NLRP4: variants seen among roughly 807,000 people sequenced by gnomAD.
NLRP4 encodes NLR family pyrin domain containing 4.
A neutral mutation model predicts 84.7 loss-of-function variants in NLRP4; 44 were observed. That is an observed-to-expected ratio of 0.52 (90% CI 0.41 to 0.67). The LOEUF (loss-of-function observed/expected upper bound fraction) is 0.67. Ranked by LOEUF, NLRP4 falls within the 30% of genes least tolerant of loss-of-function variation. NLRP4 has a pLI of 0.00. For synonymous variants in NLRP4, 544 were observed against 476.4 expected (o/e 1.14, Z -1.85); for missense variants, 1,260 against 1,219.4 (o/e 1.03, Z -0.50).
In NLRP4 at chr19:55,857,423, T is replaced by C. The variant is rs1051895413; in HGVS notation, c.281-251T>C. The C allele has an allele frequency of 7.6e-5, 38 of 500,266 alleles. No homozygotes were observed. In the East Asian group the frequency reaches 1.2e-3, roughly 15 times the overall value. 31.0% of individuals were successfully genotyped at this position (500,266 alleles called of 1,614,324 possible). A position where few individuals can be genotyped will look rare whatever the true frequency, so the allele number is the denominator to read the frequency against. On this transcript the variant is annotated intron_variant, in intron 2 of 9. Transcript: ENST00000301295. ...ACCATATGGTTTCCATTTTAGGCTTTGTGAGTCATACGGTCTCTCATAGCT... is the reference window on the plus strand; with the variant it reads ...ACCATATGGTTTCCATTTTAGGCTTCGTGAGTCATACGGTCTCTCATAGCT...
chr19:55,881,800 T>C lies in NLRP4; in HGVS notation c.*213T>C, dbSNP rs1985603703. 2.6e-6 allele frequency: 1 copy of C among 390,952 alleles called. No individual in the cohort carries two copies. The highest frequency in any genetic ancestry group is 2.1e-5 in the African/African-American group (1 of 48,428). 24.2% of individuals were successfully genotyped at this position (390,952 alleles called of 1,614,324 possible). A position where few individuals can be genotyped will look rare whatever the true frequency, so the allele number is the denominator to read the frequency against. The stretch of plus-strand genomic sequence containing the variant: ...CTGAAAGGCCTTCATGGTCTCTCGG[T>C]CTCACAAGGACCTCTTAACCCCTCA... On this transcript the variant is annotated 3_prime_UTR_variant, in exon 10 of 10. Transcript: ENST00000301295.
Position 55,870,927 on chromosome 19 carries a change from C to T in NLRP4, c.2455C>T (p.Leu819=), listed in dbSNP as rs753973481. The T allele has an allele frequency of 5.0e-6, 8 of 1,614,008 alleles. No individual in the cohort carries two copies. Among genetic ancestry groups the T allele is most frequent in the South Asian group, 1.1e-5 (1 of 91,078 alleles). ...CTATCTAGACCTCAGTGCCAATGTCCTGAAGGACGAAGGACTGAAAACTCT... is the reference window on the plus strand; with the variant it reads ...CTATCTAGACCTCAGTGCCAATGTCTTGAAGGACGAAGGACTGAAAACTCT... The part of the protein sequence containing the change: ...VRYLDLSANV[L]KDEGLKTLCE... Residue 819 remains leucine, a synonymous_variant, in exon 7 of 10, where the codon CTG becomes TTG. Transcript: ENST00000301295.
chr19:55,837,135 T>C lies in NLRP4; in HGVS notation c.-66+201T>C, dbSNP rs138085211. 2.6e-5 allele frequency among the ~76,000 whole-genome samples: 4 copies of C among 152,308 alleles called. No homozygotes were observed. In the East Asian group the frequency reaches 7.7e-4, roughly 29 times the overall value. On this transcript the variant is annotated intron_variant, in intron 1 of 9. Coordinates refer to ENST00000301295, the MANE Select transcript of NLRP4 (RefSeq NM_134444.5). ...TGTGTTGGTACATGTATACGTATCA[T>C]TAAATCAGGGTAATGAGCATATCCA...
chr19:55,855,174 C>A (rs1207256472), intron 2 of NLRP4, among the ~76,000 whole-genome samples: 1 of 152,204 alleles, frequency 6.6e-6, no homozygotes, highest in Non-Finnish European at 1.5e-5. Flanking sequence ...TGTGCCACTG[C>A]ACTCCAGCCT....
chr19:55,851,591 CGAGGCTGCGGTGTA>C (rs1984146528), intron 1 of NLRP4, among the ~76,000 whole-genome samples: 1 of 131,504 alleles, frequency 7.6e-6, no homozygotes, highest in Admixed American at 7.7e-5. Context: ...GTGTAATGTC[CGAGGCTGCGGTGTA>C]ATGTCCGTGG....
At chr19:55,876,955 G>T in intron 7 of NLRP4, 41 bp from the exon 8 acceptor site, 1 of 1,542,842 alleles carries the variant, frequency 6.5e-7, no homozygotes. Context: ...TTAGACTGAG[G>T]TGTAATAGCC....
rs559938689 is a variant in NLRP4, at chr19:55,878,794, G to A, written c.2697G>A (p.Gly899=). 4 of 1,610,496 alleles carry A rather than the reference G, an allele frequency of 2.5e-6. No homozygotes were observed. In the South Asian group the frequency reaches 3.3e-5, roughly 13 times the overall value. Residue 899 remains glycine, a splice_region_variant and synonymous_variant, in exon 9 of 10, where the codon GGG becomes GGA. Coordinates refer to ENST00000301295, the MANE Select transcript of NLRP4 (RefSeq NM_134444.5). ...CTTACCATGTGTCTTTTTATTGCAGGTTGGAAGAATGTGGGTTAACGAGCA... is the reference window on the plus strand; with the variant it reads ...CTTACCATGTGTCTTTTTATTGCAGATTGGAAGAATGTGGGTTAACGAGCA... ...THTDCRLEIL[G]LEECGLTSTC... is the part of the protein sequence containing the mutation.
At position 55,844,750 on chromosome 19, in the gene NLRP4, C is replaced by T. The variant is rs1983729741; in HGVS notation, c.-65-7266C>T. ...TGACCTCCAGTGTAACTCATTGTAT[C>T]TACGAGTATGCTATTTTCAAAAACT... is the stretch of plus-strand genomic sequence containing the variant. On this transcript the variant is annotated intron_variant, in intron 1 of 9. Coordinates refer to ENST00000301295, the MANE Select transcript of NLRP4 (RefSeq NM_134444.5). Among the ~76,000 whole-genome samples the T allele has an allele frequency of 2.0e-5, 3 of 152,114 alleles. No homozygotes were observed. The East Asian group carries it at 5.8e-4, about 29-fold the overall frequency.
intron 1 of NLRP4, among the ~76,000 whole-genome samples, chr19:55,850,379 G>A (rs1376111433): frequency 1.8e-5 from 1 of 54,918 alleles, no homozygotes; most frequent in Admixed American, 1.7e-4. Flanking sequence ...CCGAGGCTGC[G>A]GTGTAATGTC....
chr19:55,870,727 G>GTT, intron 6 of NLRP4, 100 bp from the exon 7 acceptor site: 1 of 813,398 alleles, frequency 1.2e-6, no homozygotes, highest in Non-Finnish European at 2.0e-6. Context: ...TGGGGAGTTT[G>GTT]TAAGATTATA....
Position 55,857,679 on chromosome 19 carries a change from A to C in NLRP4, c.286A>C (p.Thr96Pro), listed in dbSNP as rs919276558. The C allele has an allele frequency of 1.2e-6, 2 of 1,612,492 alleles. No individual in the cohort carries two copies. Among genetic ancestry groups the C allele is most frequent in the African/African-American group, 1.3e-5 (1 of 74,926 alleles). Reference protein sequence around the residue: ...MKVMRERTGYTKTYQAHAKQK... With the variant: ...MKVMRERTGYPKTYQAHAKQK... The stretch of plus-strand genomic sequence containing the variant: ...TCTTGCCCTCACTGACTCAGGATAC[A>C]CAAAGACCTATCAAGCTCACGCAAA... The change falls in exon 3 of 10, where the codon ACA becomes CCA. Residue 96 changes from threonine to proline, a missense_variant. Around this residue, in one of 3 missense-constraint regions of NLRP4, gnomAD observed 712 missense variants for 669.2 expected, o/e 1.06. Coordinates refer to ENST00000301295, the MANE Select transcript of NLRP4 (RefSeq NM_134444.5).
intron 1 of NLRP4, among the ~76,000 whole-genome samples, chr19:55,848,041 C>T (rs542595518): frequency 6.6e-6 from 1 of 152,118 alleles, no homozygotes; most frequent in African/African-American, 2.4e-5. Context: ...TGTGCCTGGA[C>T]CTCATCTAGG....
At chr19:55,846,342 C>A (rs1983792447) in intron 1 of NLRP4, among the ~76,000 whole-genome samples, 1 of 152,218 alleles carries the variant, frequency 6.6e-6, no homozygotes, top group African/African-American at 2.4e-5. Flanking sequence ...AGATATGCGG[C>A]ATTATTTCCG....
chr19:55,850,059 G>C (rs541719779), intron 1 of NLRP4, among the ~76,000 whole-genome samples: 1 of 145,932 alleles, frequency 6.9e-6, no homozygotes. Context: ...CCGTAGCTGC[G>C]GTGGAATTTC....
intron 8 of NLRP4, among the ~76,000 whole-genome samples, chr19:55,877,691 A>C (rs2123070086): frequency 6.6e-6 from 1 of 152,152 alleles, no homozygotes; most frequent in African/African-American, 2.4e-5. Flanking sequence ...ATGAGGGAGA[A>C]TCTGCTTCAG....
chr19:55,858,288 C>A lies in NLRP4; in HGVS notation c.895C>A (p.Pro299Thr), dbSNP rs372254857. The stretch of plus-strand genomic sequence containing the variant: ...GGTGACGATCTCAGAAATCTACCAG[C>A]CCCGGGGATTCAACGAGAGTGATAG... ...DQVTISEIYQPRGFNESDRLV... is the reference protein window; with the variant it reads ...DQVTISEIYQTRGFNESDRLV... The change falls in exon 3 of 10, where the codon CCC becomes ACC. Residue 299 changes from proline to threonine, a missense_variant. Transcript: ENST00000301295. This position sits in a 1 kb window ranked among gnomAD's most constrained non-coding sequence, Gnocchi z 4.2. The A allele has an allele frequency of 6.2e-7, 1 of 1,614,064 alleles. No homozygotes were observed. Among genetic ancestry groups the A allele is most frequent in the Admixed American group, 1.7e-5 (1 of 59,994 alleles).
intron 7 of NLRP4, among the ~76,000 whole-genome samples, chr19:55,871,933 G>C (rs1985200496): frequency 1.3e-5 from 2 of 151,090 alleles, no homozygotes; most frequent in Admixed American, 1.3e-4. Flanking sequence ...CACTGCAAGT[G>C]CTGCCTCCCG....
At chr19:55,852,617 C>T (rs931694004) in intron 2 of NLRP4, among the ~76,000 whole-genome samples, 2 of 151,932 alleles carry the variant, frequency 1.3e-5, no homozygotes, top group East Asian at 3.9e-4. Context: ...GCTGGAATTA[C>T]AGGCGCCTGC....
chr19:55,881,136 C>CGTGTGTGTGTGTGTGT (rs56806641), intron 9 of NLRP4, among the ~76,000 whole-genome samples: 22,396 of 139,292 alleles, frequency 0.16, 1,967 homozygotes, highest in Middle Eastern at 0.26. Flanking sequence ...GTGAGAGCCA[C>CGTGTGTGTGTGTGTGT]GTGTGTGTGT....
Sources: allele counts gnomAD v4.1 joint callset (sites outside exome capture counted in the v4.1 genomes callset), GRCh38; gene constraint gnomAD v4.1.1; regional missense constraint gnomAD v4.1.1; non-coding constraint Gnocchi (gnomAD v3.1); transcripts MANE v1.5; gene names NCBI Gene and HGNC (gene_info 2026-07-23, HGNC 2026-07-21).